The following NUP210 variants were observed in gnomAD, a reference collection of about 807,000 sequenced individuals.
The protein encoded by NUP210 is nucleoporin 210.
Under a neutral mutation model 196.0 loss-of-function variants are expected in NUP210, and 151 were observed. That is an observed-to-expected ratio of 0.77 (90% CI 0.67 to 0.88). NUP210 has a LOEUF of 0.88. NUP210 is among the 40% of genes least tolerant of loss of function. The pLI is 0.00. For synonymous variants in NUP210, 1,070 were observed against 1,052.7 expected, an observed-to-expected ratio of 1.02 and a Z score of -0.32; for missense variants, 2,314 against 2,493.7, an observed-to-expected ratio of 0.93 and a Z score of 1.53.
chr3:13,371,733 C>T (rs1698737485), intron 13 of NUP210, 101 bp downstream of exon 13: 1 of 1,081,556 alleles, frequency 9.2e-7, no homozygotes, highest in Non-Finnish European at 1.4e-6. Context: ...CCCTCTGCTG[C>T]CTCAAGCCCT....
At chr3:13,418,443 A>C (rs1232273390) in intron 1 of NUP210, among the ~76,000 whole-genome samples, 3 of 152,130 alleles carry the variant, frequency 2.0e-5, no homozygotes, top group African/African-American at 7.2e-5. Context: ...AAATACAAAA[A>C]TTGGCCAGAC....
chr3:13,329,548 C>A (rs1696912812), intron 30 of NUP210, among the ~76,000 whole-genome samples: 1 of 152,212 alleles, frequency 6.6e-6, no homozygotes, highest in Admixed American at 6.5e-5. Context: ...GTGCTCAGTA[C>A]ATATTTGTTG....
chr3:13,418,490 A>G (rs1267559490), intron 1 of NUP210, among the ~76,000 whole-genome samples: 1 of 152,074 alleles, frequency 6.6e-6, no homozygotes, highest in Non-Finnish European at 1.5e-5. Flanking sequence ...TAATCTCAGC[A>G]TTTTGGGAAG....
intron 1 of NUP210, among the ~76,000 whole-genome samples, chr3:13,413,882 A>C (rs1211538422): frequency 1.3e-5 from 2 of 152,246 alleles, no homozygotes; most frequent in Non-Finnish European, 2.9e-5. Flanking sequence ...TAAAATAAAA[A>C]AATATGTAAA....
intron 20 of NUP210, chr3:13,344,751 C>T (rs183966306): frequency 1.5e-4 from 26 of 169,792 alleles, no homozygotes; most frequent in African/African-American, 6.2e-4. Context: ...ACTACACTTA[C>T]GCTCCAGCCA....
At chr3:13,332,147 A>G (rs1697020710) in intron 29 of NUP210, 146 bp downstream of exon 29, 4 of 635,924 alleles carry the variant, frequency 6.3e-6, no homozygotes, top group Non-Finnish European at 1.2e-5. Context: ...GAAGAGAAGG[A>G]GCAGGCAGAG....
chr3:13,370,304 A>C (rs1698686380), intron 13 of NUP210, among the ~76,000 whole-genome samples: 2 of 152,208 alleles, frequency 1.3e-5, no homozygotes, highest in Admixed American at 1.3e-4. Flanking sequence ...TCAGAAGTCA[A>C]ACTCCTGGAG....
At chr3:13,383,618 G>A (rs909252583) in intron 6 of NUP210, among the ~76,000 whole-genome samples, 24 of 141,362 alleles carry the variant, frequency 1.7e-4, no homozygotes, top group African/African-American at 6.0e-4. Flanking sequence ...TCTGCCTCCC[G>A]GGTTCAAGCA....
rs185805479 is a variant in NUP210, at chr3:13,358,455, T to C, written c.2155-60A>G. On this transcript the variant is annotated intron_variant, in intron 15 of 39. Coordinates refer to ENST00000254508, the MANE Select transcript of NUP210 (RefSeq NM_024923.4). ...CTTGAGTTCTCACTCCTCTCTGAGC[T>C]ATGCCACACCCCACCCCAGCTCCCT... is the stretch of plus-strand genomic sequence containing the variant. The C allele has an allele frequency of 2.9e-5, 43 of 1,495,358 alleles. No homozygotes were observed. The African/African-American group carries it at 5.2e-4, about 18-fold the overall frequency. The allele number at this position is 1,495,358 out of a possible 1,614,324, so 92.6% of individuals were successfully genotyped here. A position where few individuals can be genotyped will look rare whatever the true frequency, so the allele number is the denominator to read the frequency against.
Position 13,373,637 on chromosome 3 carries a change from GA to G in NUP210, c.1587+80del, listed in dbSNP as rs1370991573. 21 of 1,453,148 alleles carry G rather than the reference GA, an allele frequency of 1.4e-5. No homozygotes were observed. The Admixed American group carries it at 2.2e-4, about 15-fold the overall frequency. The allele number at this position is 1,453,148 out of a possible 1,614,324, so 90.0% of individuals were successfully genotyped here. Reference sequence around the variant, plus strand: ...CCCAAGGTTGGGGGTGTTTCTGAGTGAAGTCGAGGCTTGCTCAGAGGGGGCG... The same window carrying G: ...CCCAAGGTTGGGGGTGTTTCTGAGTGAGTCGAGGCTTGCTCAGAGGGGGCG... On this transcript the variant is annotated intron_variant, in intron 12 of 39. Transcript: ENST00000254508.
chr3:13,356,383 G>C (rs1046143912), intron 16 of NUP210, among the ~76,000 whole-genome samples: 1 of 152,198 alleles, frequency 6.6e-6, no homozygotes, highest in Non-Finnish European at 1.5e-5. Context: ...GGTGGCTCAC[G>C]CCTGTAATCC....
rs1697922284 is a variant in NUP210, at chr3:13,350,280, G to A, written c.2835+1599C>T. Among the ~76,000 whole-genome samples the A allele has an allele frequency of 6.6e-6, 1 of 151,984 alleles. No individual in the cohort carries two copies. The highest frequency in any genetic ancestry group is 1.5e-5 in the Non-Finnish European group (1 of 68,008). ...TGTGTTTGTGTGTGTGTGCGCGTGTGTTTTTGTGTCTTCAGCAAAATAACA... is the reference window on the plus strand; with the variant it reads ...TGTGTTTGTGTGTGTGTGCGCGTGTATTTTTGTGTCTTCAGCAAAATAACA... On this transcript the variant is annotated intron_variant, in intron 20 of 39. Transcript: ENST00000254508. The surrounding 1 kb of genome is among the most constrained non-coding windows in gnomAD (Gnocchi z 4.1).
chr3:13,323,112 C>T lies in NUP210; in HGVS notation c.4768+197G>A, dbSNP rs139279189. Reference sequence around the variant, plus strand: ...GGAGCTGGGCTCCATTATGAAGATTCCTTTCACTGGCTCAGCTTTTGGAGG... The same window carrying T: ...GGAGCTGGGCTCCATTATGAAGATTTCTTTCACTGGCTCAGCTTTTGGAGG... On this transcript the variant is annotated intron_variant, in intron 34 of 39. Transcript: ENST00000254508. The surrounding 1 kb of genome is among the most constrained non-coding windows in gnomAD (Gnocchi z 4.3). Among the ~76,000 whole-genome samples the T allele has an allele frequency of 3.3e-5, 5 of 152,262 alleles. No individual in the cohort carries two copies. The East Asian group carries it at 9.7e-4, about 29-fold the overall frequency.
At chr3:13,336,729 C>T (rs896963892) in intron 27 of NUP210, 58 bp downstream of exon 27, 20 of 1,569,734 alleles carry the variant, frequency 1.3e-5, no homozygotes, top group Non-Finnish European at 1.7e-5. Flanking sequence ...CCCTGCCACT[C>T]GGGGTGCTGG....
Position 13,322,203 on chromosome 3 carries a change from G to A in NUP210, c.4905C>T (p.Asp1635=). 1 of 1,614,238 alleles carries A rather than the reference G, an allele frequency of 6.2e-7. No homozygotes were observed. Residue 1635 remains aspartate, a synonymous_variant, in exon 35 of 40, where the codon GAC becomes GAT. Coordinates refer to ENST00000254508, the MANE Select transcript of NUP210 (RefSeq NM_024923.4). The part of the protein sequence containing the change: ...QDVFTVEPQF[D]TALGQYFCSI... ...AATCCTCGCAATTACCGAGAGCAGT[G>A]TCAAACTGTGGCTCCACGGTGAACA... is the stretch of plus-strand genomic sequence containing the variant.
At chr3:13,320,849 G>A (rs1198330069) in intron 36 of NUP210, among the ~76,000 whole-genome samples, 1 of 146,880 alleles carries the variant, frequency 6.8e-6, no homozygotes, top group Non-Finnish European at 1.5e-5. Context: ...CCCAGATTGC[G>A]CCACTGCACT....
chr3:13,343,297 G>T lies in NUP210; in HGVS notation c.2842C>A (p.Pro948Thr). The change falls in exon 21 of 40, where the codon CCT becomes ACT. Residue 948 changes from proline to threonine, a missense_variant. By Grantham distance (38) the Pro-to-Thr change is conservative. Transcript: ENST00000254508. ...QEARGVAMVHPLLPGSSTIMI... is the reference protein window; with the variant it reads ...QEARGVAMVHTLLPGSSTIMI... ...ATGGTGGATGAGCCCGGGAGCAAAG[G>T]GTGCACCTGCAAGGTTGGGGCGGAG... The T allele has an allele frequency of 6.2e-7, 1 of 1,613,160 alleles. No homozygotes were observed. The highest frequency in any genetic ancestry group is 8.5e-7 in the Non-Finnish European group (1 of 1,179,622).
chr3:13,375,142 C>CTTTTTTTTTTTTTTTTTTCTTTT (rs76945178), intron 11 of NUP210, among the ~76,000 whole-genome samples: 3 of 138,440 alleles, frequency 2.2e-5, no homozygotes, highest in Non-Finnish European at 3.1e-5. Flanking sequence ...TATTTTTTCT[C>CTTTTTTTTTTTTTTTTTTCTTTT]TTTTTTTTTT....
At chr3:13,397,301 T>TG (rs898678172) in intron 3 of NUP210, 56 bp downstream of exon 3, 103 of 1,569,366 alleles carry the variant, frequency 6.6e-5, no homozygotes, top group Non-Finnish European at 8.7e-5. Flanking sequence ...AGAGTCATGG[T>TG]GGGGGGATGA....
Sources: allele counts gnomAD v4.1 joint callset (sites outside exome capture counted in the v4.1 genomes callset), GRCh38; gene constraint gnomAD v4.1.1; non-coding constraint Gnocchi (gnomAD v3.1); transcripts MANE v1.5; gene names NCBI Gene and HGNC (gene_info 2026-07-23, HGNC 2026-07-21).